RBFOX1: variants seen among roughly 807,000 people sequenced by gnomAD.
RBFOX1 encodes RNA binding fox-1 homolog 1.
RBFOX1 carries 8 observed loss-of-function variants against 57.7 expected under a neutral mutation model. The ratio of observed to expected loss-of-function variants is 0.14; its 90% CI spans 0.08 to 0.25. The LOEUF is 0.25. Among genes scored for constraint, RBFOX1 ranks in the 10% least tolerant of loss-of-function variants. RBFOX1 has a pLI of 1.00. For synonymous variants in RBFOX1, 326 were observed against 222.4 expected (o/e 1.47, Z -4.15); for missense variants, 611 against 548.5 (o/e 1.11, Z -1.14).
chr16:6,852,373 C>T (rs1038227678), intron 3 of RBFOX1, among the ~76,000 whole-genome samples: 1 of 152,056 alleles, frequency 6.6e-6, no homozygotes, highest in African/African-American at 2.4e-5. Context: ...ATTTTGTGAG[C>T]ATCAGTTCAG....
At chr16:6,851,528 C>T (rs2094062882) in intron 3 of RBFOX1, among the ~76,000 whole-genome samples, 1 of 152,182 alleles carries the variant, frequency 6.6e-6, no homozygotes. Context: ...ACATATTTTA[C>T]ATATTAAATT....
At chr16:5,373,659 C>T (rs1043215745) in intron 1 of RBFOX1, among the ~76,000 whole-genome samples, 6 of 151,742 alleles carry the variant, frequency 4.0e-5, no homozygotes, top group Non-Finnish European at 8.8e-5. Context: ...GGCTGGTGTG[C>T]GGTGGTGCGA....
intron 4 of RBFOX1, among the ~76,000 whole-genome samples, chr16:7,272,016 G>A (rs1220112723): frequency 6.6e-6 from 1 of 152,022 alleles, no homozygotes; most frequent in East Asian, 1.9e-4. Context: ...TAGTGTTTTT[G>A]GGAATAGAGA....
At chr16:7,574,494 G>A (rs1389593259) in intron 5 of RBFOX1, among the ~76,000 whole-genome samples, 2 of 152,158 alleles carry the variant, frequency 1.3e-5, no homozygotes, top group African/African-American at 2.4e-5. Flanking sequence ...TCAGTCTGTG[G>A]TCGAAGGTCC....
At chr16:6,798,199 A>C (rs2084540270) in intron 3 of RBFOX1, among the ~76,000 whole-genome samples, 1 of 152,180 alleles carries the variant, frequency 6.6e-6, no homozygotes, top group Admixed American at 6.5e-5. Context: ...CGTGTCCCTA[A>C]GAGAAACTGG....
intron 3 of RBFOX1, among the ~76,000 whole-genome samples, chr16:6,916,604 T>C (rs542496784): frequency 1.4e-4 from 22 of 152,222 alleles, no homozygotes; most frequent in African/African-American, 5.1e-4. Context: ...AGGCCTTCCA[T>C]CTTGCAACGC....
chr16:6,002,411 G>A (rs1301920564), intron 4 of RBFOX1, among the ~76,000 whole-genome samples: 2 of 152,214 alleles, frequency 1.3e-5, no homozygotes, highest in Non-Finnish European at 2.9e-5. Flanking sequence ...CTCTGGCTGT[G>A]CGTACTAGTT....
intron 4 of RBFOX1, among the ~76,000 whole-genome samples, chr16:7,510,487 C>CTGTGTGTG (rs59583874): frequency 0.012 from 1,750 of 149,618 alleles, 25 homozygotes; most frequent in African/African-American, 0.028. Flanking sequence ...GTATGTGTGT[C>CTGTGTGTG]TGTGTGTGTG....
rs2152688672 is a variant in RBFOX1, at chr16:6,276,928, C to T, written c.-126-40067C>T. ...TATTCGGTACTTAGATCAGCGCTTGCCACAGGACAAGTGGTCAGTAACCAT... is the reference window on the plus strand; with the variant it reads ...TATTCGGTACTTAGATCAGCGCTTGTCACAGGACAAGTGGTCAGTAACCAT... On this transcript the variant is annotated intron_variant, in intron 1 of 15. Transcript: ENST00000550418. Among the ~76,000 whole-genome samples the T allele has an allele frequency of 2.0e-5, 3 of 152,062 alleles. 1 individual carries two copies. The East Asian group carries it at 5.8e-4, about 29-fold the overall frequency.
At chr16:5,544,237 G>C (rs1444674101) in intron 2 of RBFOX1, among the ~76,000 whole-genome samples, 2 of 152,140 alleles carry the variant, frequency 1.3e-5, no homozygotes, top group Non-Finnish European at 2.9e-5. Flanking sequence ...AAGTTCTTTG[G>C]TCCCAGTGGA....
intron 2 of RBFOX1, among the ~76,000 whole-genome samples, chr16:6,405,837 C>G (rs1364776327): frequency 2.0e-5 from 3 of 152,102 alleles, no homozygotes; most frequent in African/African-American, 4.8e-5. Context: ...ATCAATAAAA[C>G]TCATAAAATA....
At chr16:7,386,439 C>T (rs1014210637) in intron 4 of RBFOX1, among the ~76,000 whole-genome samples, 1 of 135,330 alleles carries the variant, frequency 7.4e-6, no homozygotes, top group African/African-American at 2.7e-5. Context: ...TCCATGTATT[C>T]TCATTGTTCA....
At chr16:6,991,378 G>C (rs1246540164) in intron 3 of RBFOX1, among the ~76,000 whole-genome samples, 1 of 152,106 alleles carries the variant, frequency 6.6e-6, no homozygotes. Flanking sequence ...CAGGATGCCT[G>C]GGAGACATTA....
chr16:6,487,296 G>C (rs776188707), intron 2 of RBFOX1, among the ~76,000 whole-genome samples: 13 of 151,962 alleles, frequency 8.6e-5, no homozygotes, highest in Non-Finnish European at 1.5e-4. Context: ...TCACTGCCTA[G>C]ATTAATATGC....
chr16:5,266,900 C>T (rs552673964), intron 1 of RBFOX1, among the ~76,000 whole-genome samples: 1 of 151,950 alleles, frequency 6.6e-6, no homozygotes, highest in Non-Finnish European at 1.5e-5. Context: ...TTGACCTCTT[C>T]TATGTGCACA....
At chr16:5,633,086 C>A (rs1419990375) in intron 3 of RBFOX1, among the ~76,000 whole-genome samples, 1 of 151,924 alleles carries the variant, frequency 6.6e-6, no homozygotes, top group Admixed American at 6.6e-5. Flanking sequence ...CTGTAGGCAC[C>A]AGTCACCATG....
At chr16:6,443,374 C>G (rs1306660105) in intron 2 of RBFOX1, among the ~76,000 whole-genome samples, 1 of 149,904 alleles carries the variant, frequency 6.7e-6, no homozygotes, top group Non-Finnish European at 1.5e-5. Flanking sequence ...AAAAATATTT[C>G]TTCTGTTGCT....
At chr16:5,254,370 A>C (rs1003238046) in intron 1 of RBFOX1, among the ~76,000 whole-genome samples, 1 of 152,218 alleles carries the variant, frequency 6.6e-6, no homozygotes, top group Non-Finnish European at 1.5e-5. Flanking sequence ...AGATGGTGTC[A>C]GGAACATACT....
intron 3 of RBFOX1, among the ~76,000 whole-genome samples, chr16:5,758,780 G>A (rs992429752): frequency 6.6e-6 from 1 of 152,128 alleles, no homozygotes; most frequent in Admixed American, 6.5e-5. Flanking sequence ...TTTTTGGATA[G>A]GGTGGGAGAA....
Sources: gnomAD v4.1 joint callset for allele counts (sites outside exome capture counted in the v4.1 genomes callset) on GRCh38, gnomAD v4.1.1 for gene constraint, MANE v1.5 for transcripts, NCBI Gene and HGNC (gene_info 2026-07-23, HGNC 2026-07-21) for gene names.